F8: variants seen among roughly 807,000 people sequenced by gnomAD.
The protein encoded by F8 is coagulation factor VIII.
Under a neutral mutation model 140.6 loss-of-function variants are expected in F8, and 12 were observed. The observed-to-expected ratio is 0.09, with a 90% CI of 0.05 to 0.14. The LOEUF is 0.14. F8 is among the 10% of genes least tolerant of loss of function. F8 has a pLI of 1.00. For missense variants in F8, 1,354 were observed against 1,720.7 expected, an observed-to-expected ratio of 0.79 and a Z score of 3.77; for synonymous variants, 585 against 614.6, an observed-to-expected ratio of 0.95 and a Z score of 0.71.
At chrX:154,942,712 CA>C (rs1158384212) in intron 13 of F8, among the ~76,000 whole-genome samples, 2 of 109,159 alleles carry the variant, frequency 1.8e-5, no homozygotes, top group Admixed American at 2.0e-4. Flanking sequence ...GAGACAAAAC[CA>C]AAAAAGAGAA....
chrX:154,840,042 C>T (rs1018721215), intron 25 of F8, among the ~76,000 whole-genome samples: 2 of 111,810 alleles, frequency 1.8e-5, no homozygotes, highest in Admixed American at 9.5e-5. Flanking sequence ...AGGGGGCATG[C>T]GATGCCAGAT....
At chrX:155,012,918 G>A (rs1272404915) in intron 1 of F8, among the ~76,000 whole-genome samples, 2 of 109,706 alleles carry the variant, frequency 1.8e-5, no homozygotes, top group Non-Finnish European at 3.8e-5. Context: ...AGGCCGAGGT[G>A]GGCGGATCAT....
At chrX:155,008,250 G>A (rs1203669678) in intron 1 of F8, among the ~76,000 whole-genome samples, 6 of 111,865 alleles carry the variant, frequency 5.4e-5, no homozygotes, top group African/African-American at 2.0e-4. Flanking sequence ...CATGGGGTTT[G>A]GGAATCAAAG....
chrX:154,939,627 C>T (rs1270646876), intron 13 of F8, among the ~76,000 whole-genome samples: 2 of 112,676 alleles, frequency 1.8e-5, no homozygotes, highest in African/African-American at 6.5e-5. Context: ...ATAACCTCTG[C>T]AGACTTAAAT....
At chrX:154,906,813 C>T (rs2073040655) in intron 14 of F8, among the ~76,000 whole-genome samples, 1 of 112,078 alleles carries the variant, frequency 8.9e-6, no homozygotes, top group South Asian at 3.7e-4. Context: ...AAAGTAGGTG[C>T]TCAAAAAATA....
In F8 at chrX:154,929,423, C is replaced by T. The variant is rs369987201; in HGVS notation, c.4367G>A (p.Gly1456Glu). ...TAAAGAAAGGTTATTTTTTTTGGCTCCTTGTAAGAAATGACTGCTTTCTTG... is the reference window on the plus strand; with the variant it reads ...TAAAGAAAGGTTATTTTTTTTGGCTTCTTGTAAGAAATGACTGCTTTCTTG... The part of the protein sequence containing the change: ...GVQESSHFLQ[G>E]AKKNNLSLAI... Residue 1456 changes from glycine to glutamate, a missense_variant, in exon 14 of 26, where the codon GGA becomes GAA. By Grantham distance (98) the Gly-to-Glu change is moderately conservative (BLOSUM62 -2). Around this residue, in one of 4 missense-constraint regions of F8, gnomAD observed 658 missense variants for 666.5 expected, o/e 0.99. Coordinates refer to ENST00000360256, the MANE Select transcript of F8 (RefSeq NM_000132.4). The T allele has an allele frequency of 2.6e-4, 311 of 1,209,251 alleles. No homozygotes were observed. The highest frequency in any genetic ancestry group is 3.4e-4 in the Non-Finnish European group (308 of 894,900).
chrX:154,902,270 G>T (rs1170586548), intron 18 of F8, 103 bp from the exon 19 acceptor site: 8 of 620,617 alleles, frequency 1.3e-5, no homozygotes, highest in Non-Finnish European at 2.2e-5. Flanking sequence ...ACCAAATTTG[G>T]TAGTTCCACT....
chrX:154,874,744 A>G (rs2072799447), intron 22 of F8, among the ~76,000 whole-genome samples: 1 of 112,400 alleles, frequency 8.9e-6, no homozygotes. Context: ...ACCTTTGTAC[A>G]CTGTTGCTGC....
Position 154,904,861 on chromosome X carries a change from T to C in F8, c.5536A>G (p.Lys1846Glu). 1 of 1,211,465 alleles carries C rather than the reference T, an allele frequency of 8.3e-7. No individual in the cohort carries two copies. Among genetic ancestry groups the C allele is most frequent in the Non-Finnish European group, 1.1e-6 (1 of 895,352 alleles). Reference protein sequence around the residue: ...WKVQHHMAPTKDEFDCKAWAY... With the variant: ...WKVQHHMAPTEDEFDCKAWAY... ...CAGGCTTTGCAGTCAAACTCATCTT[T>C]AGTGGGTGCCATATGATGTTGCACT... The change falls in exon 16 of 26, where the codon AAA becomes GAA. Residue 1846 changes from lysine (K) to glutamate (E), a missense_variant. Lys to Glu is a moderately conservative substitution (Grantham distance 56). Coordinates refer to ENST00000360256, the MANE Select transcript of F8 (RefSeq NM_000132.4).
At chrX:155,014,366 GGAA>G (rs1863226896) in intron 1 of F8, among the ~76,000 whole-genome samples, 1 of 111,336 alleles carries the variant, frequency 9.0e-6, no homozygotes, top group Admixed American at 9.5e-5. Flanking sequence ...TCTGAAATCA[GGAA>G]GAAGACAAGG....
chrX:155,001,079 C>T (rs965446757), intron 1 of F8, among the ~76,000 whole-genome samples: 36 of 111,399 alleles, frequency 3.2e-4, no homozygotes, highest in African/African-American at 1.1e-3. Flanking sequence ...CTTTCTCAGT[C>T]TTGTGGTGAA....
chrX:154,868,466 A>G (rs1557273301), intron 22 of F8, among the ~76,000 whole-genome samples: 1 of 111,776 alleles, frequency 8.9e-6, no homozygotes, highest in Non-Finnish European at 1.9e-5. Flanking sequence ...AGTGAAGGAG[A>G]AATGAAATTC....
intron 12 of F8, among the ~76,000 whole-genome samples, chrX:154,948,864 A>G (rs1197996784): frequency 1.8e-5 from 2 of 112,238 alleles, no homozygotes; most frequent in Non-Finnish European, 3.8e-5. Flanking sequence ...CAACATTGAG[A>G]TATTATAAAG....
chrX:154,934,605 G>A (rs782155057), intron 13 of F8, among the ~76,000 whole-genome samples: 1 of 111,327 alleles, frequency 9.0e-6, no homozygotes, highest in African/African-American at 3.3e-5. Flanking sequence ...TTGCAAGGTG[G>A]GGAGGGGAGG....
At chrX:154,898,389 C>T (rs2072993708) in intron 21 of F8, among the ~76,000 whole-genome samples, 1 of 112,251 alleles carries the variant, frequency 8.9e-6, no homozygotes, top group Non-Finnish European at 1.9e-5. Flanking sequence ...TAGATGATAA[C>T]ATAACTAGGT....
At chrX:154,983,865 T>C (rs2073543008) in intron 6 of F8, among the ~76,000 whole-genome samples, 1 of 112,328 alleles carries the variant, frequency 8.9e-6, no homozygotes, top group Non-Finnish European at 1.9e-5. Flanking sequence ...TGTCTCTGCC[T>C]GTACTCTGGG....
intron 6 of F8, among the ~76,000 whole-genome samples, chrX:154,979,659 T>C (rs1033490429): frequency 6.3e-5 from 7 of 111,113 alleles, no homozygotes; most frequent in African/African-American, 2.0e-4. Context: ...GCAGCAGTGG[T>C]TGTAGGTAGT....
At chrX:154,927,377 G>A (rs1339923135) in intron 14 of F8, among the ~76,000 whole-genome samples, 2 of 111,733 alleles carry the variant, frequency 1.8e-5, no homozygotes, top group Non-Finnish European at 3.8e-5. Flanking sequence ...AGAAATTGCT[G>A]GAGCAACATT....
chrX:154,944,173 A>T (rs1432429402), intron 13 of F8, among the ~76,000 whole-genome samples: 12 of 110,813 alleles, frequency 1.1e-4, no homozygotes, highest in East Asian at 2.8e-4. Flanking sequence ...ACAAATGGGA[A>T]CTAATTAAAC....
Sources: allele counts gnomAD v4.1 joint callset (sites outside exome capture counted in the v4.1 genomes callset), GRCh38; gene constraint gnomAD v4.1.1; regional missense constraint gnomAD v4.1.1; transcripts MANE v1.5; gene names NCBI Gene and HGNC (gene_info 2026-07-23, HGNC 2026-07-21).